SIRT5: variants seen among roughly 807,000 people sequenced by gnomAD.
The protein encoded by SIRT5 is sirtuin 5, also known as NAD-dependent protein deacylase sirtuin-5, mitochondrial.
In SIRT5, 26 loss-of-function variants were observed where a neutral mutation model predicts 40.0. The observed-to-expected ratio is 0.65, with a 90% CI of 0.48 to 0.90. The LOEUF (loss-of-function observed/expected upper bound fraction) is 0.90, where lower values mean the gene tolerates loss of function less well. SIRT5 is among the 40% of genes least tolerant of loss of function. The pLI is 0.00. For synonymous variants in SIRT5, 146 were observed against 149.1 expected, an observed-to-expected ratio of 0.98 and a Z score of 0.15; for missense variants, 401 against 402.4, an observed-to-expected ratio of 1.00 and a Z score of 0.03.
chr6:13,587,866 G>A (rs774991282), intron 3 of SIRT5, among the ~76,000 whole-genome samples: 1 of 152,244 alleles, frequency 6.6e-6, no homozygotes, highest in Non-Finnish European at 1.5e-5. Flanking sequence ...GGTGAACTGG[G>A]GGAGGAAGGG....
chr6:13,587,161 G>A (rs1760186139), intron 3 of SIRT5, among the ~76,000 whole-genome samples: 1 of 147,646 alleles, frequency 6.8e-6, no homozygotes. Flanking sequence ...TATCCAGGGT[G>A]GGGCATTCCC....
In SIRT5 at chr6:13,579,538, G is replaced by C. The variant is rs1759066588; in HGVS notation, c.-107G>C. 6.6e-6 allele frequency: 1 copy of C among 152,148 alleles called. No individual in the cohort carries two copies. The highest frequency in any genetic ancestry group is 1.5e-5 in the Non-Finnish European group (1 of 68,030). 9.4% of individuals were successfully genotyped at this position (152,148 alleles called of 1,614,324 possible). ...AATTAGAAGTCTGTATTATATTGAT[G>C]TCTCCAGATTCAAATATATTAGAAA... On this transcript the variant is annotated 5_prime_UTR_variant, in exon 2 of 10. An upstream start codon of the reference 5' UTR is lost. Transcript: ENST00000606117.
intron 5 of SIRT5, among the ~76,000 whole-genome samples, chr6:13,592,252 C>T (rs939818270): frequency 3.3e-5 from 5 of 152,162 alleles, no homozygotes; most frequent in African/African-American, 9.7e-5. Context: ...TCCCATGAGC[C>T]CAGGTGGCTG....
chr6:13,578,417 G>A (rs1433951746), intron 1 of SIRT5, among the ~76,000 whole-genome samples: 2 of 151,866 alleles, frequency 1.3e-5, no homozygotes, highest in East Asian at 1.9e-4. Flanking sequence ...TCAGGAGATC[G>A]AGACCATCCT....
intron 1 of SIRT5, among the ~76,000 whole-genome samples, chr6:13,576,752 A>G (rs549634719): frequency 9.7e-4 from 147 of 152,180 alleles, no homozygotes; most frequent in Admixed American, 1.9e-3. Flanking sequence ...GTTTTCACCT[A>G]TGTTATCTTC....
intron 4 of SIRT5, among the ~76,000 whole-genome samples, chr6:13,591,204 A>G (rs1431184938): frequency 2.6e-5 from 4 of 152,298 alleles, no homozygotes; most frequent in Admixed American, 2.6e-4. Flanking sequence ...AGCCATAGCT[A>G]TAGTTACAAA....
Position 13,598,968 on chromosome 6 carries a change from G to A in SIRT5, c.618-64G>A, listed in dbSNP as rs1033423639. ...TGTACTAGGTTTGGGGCAGCCCCTGGCCTCCCTCCGATCCAGCTGGGCAGA... is the reference window on the plus strand; with the variant it reads ...TGTACTAGGTTTGGGGCAGCCCCTGACCTCCCTCCGATCCAGCTGGGCAGA... On this transcript the variant is annotated intron_variant, in intron 7 of 9. Transcript: ENST00000606117. The A allele has an allele frequency of 1.9e-6, 3 of 1,587,150 alleles. No homozygotes were observed. The Admixed American group carries it at 5.1e-5, about 27-fold the overall frequency.
chr6:13,586,053 G>A (rs1229460836), intron 3 of SIRT5, among the ~76,000 whole-genome samples: 1 of 152,188 alleles, frequency 6.6e-6, no homozygotes, highest in Non-Finnish European at 1.5e-5. Context: ...TTTGAGAAGT[G>A]TCTGTTCATG....
rs1390792874 is a variant in SIRT5, at chr6:13,615,133, C to G, written c.*3268C>G. ...CAACCCCATTGCCAGCCGCTTTCGC[C>G]GGCAGAGCATTTTCCGTGGGGTCCA... is the stretch of plus-strand genomic sequence containing the variant. On this transcript the variant is annotated 3_prime_UTR_variant, in exon 10 of 10. Transcript: ENST00000606117. 4 of 502,514 alleles carry G rather than the reference C, an allele frequency of 8.0e-6. No homozygotes were observed. The highest frequency in any genetic ancestry group is 7.3e-5 in the South Asian group (2 of 27,560). The allele number at this position is 502,514 out of a possible 1,614,324, so 31.1% of individuals were successfully genotyped here.
At chr6:13,585,705 G>A (rs962530509) in intron 3 of SIRT5, among the ~76,000 whole-genome samples, 4 of 152,116 alleles carry the variant, frequency 2.6e-5, no homozygotes, top group South Asian at 2.1e-4. Context: ...ATAAACATAC[G>A]TATGCATGTG....
rs1759777562 is a variant in SIRT5, at chr6:13,584,363, T to G, written c.115+138T>G. ...AAGCCACTCTGTCATCTTCTCTTTT[T>G]TTTTTTGAGACGGAGTCTTGCTCTG... On this transcript the variant is annotated intron_variant, in intron 3 of 9. Coordinates refer to ENST00000606117, the MANE Select transcript of SIRT5 (RefSeq NM_012241.5). 7.5e-6 allele frequency: 5 copies of G among 668,836 alleles called. No individual in the cohort carries two copies. In the East Asian group the frequency reaches 1.4e-4, roughly 18 times the overall value. The allele number at this position is 668,836 out of a possible 1,614,324, so 41.4% of individuals were successfully genotyped here. A position where few individuals can be genotyped will look rare whatever the true frequency, so the allele number is the denominator to read the frequency against.
chr6:13,578,779 AG>A (rs1422553651), intron 1 of SIRT5, among the ~76,000 whole-genome samples: 1 of 152,062 alleles, frequency 6.6e-6, no homozygotes, highest in African/African-American at 2.4e-5. Context: ...CAGAATTGGT[AG>A]GGTGCCCCCC....
chr6:13,603,923 T>A (rs574551167), intron 9 of SIRT5, among the ~76,000 whole-genome samples: 34 of 152,350 alleles, frequency 2.2e-4, no homozygotes, highest in Admixed American at 2.0e-3. Flanking sequence ...AACGTTATGC[T>A]AAGTGAAAGA....
chr6:13,608,450 G>T (rs1763402474), intron 9 of SIRT5, among the ~76,000 whole-genome samples: 1 of 152,108 alleles, frequency 6.6e-6, no homozygotes, highest in Admixed American at 6.6e-5. Flanking sequence ...GCCAGGCGTG[G>T]TGGTCCACAC....
At chr6:13,594,661 T>A (rs954850597) in intron 5 of SIRT5, among the ~76,000 whole-genome samples, 3 of 152,198 alleles carry the variant, frequency 2.0e-5, no homozygotes, top group South Asian at 4.1e-4. Flanking sequence ...ATTTGGGATG[T>A]GACCCACAGC....
chr6:13,609,499 A>G (rs939413554), intron 9 of SIRT5, among the ~76,000 whole-genome samples: 1 of 152,192 alleles, frequency 6.6e-6, no homozygotes, highest in African/African-American at 2.4e-5. Context: ...CCAGGGTCCC[A>G]CTTCCCCAGA....
intron 5 of SIRT5, among the ~76,000 whole-genome samples, chr6:13,594,406 C>A (rs182110169): frequency 1.3e-5 from 2 of 152,344 alleles, no homozygotes; most frequent in Non-Finnish European, 2.9e-5. Context: ...TTCCTCCCGG[C>A]CCCTGTCCCC....
intron 1 of SIRT5, among the ~76,000 whole-genome samples, chr6:13,576,792 T>G (rs923038225): frequency 6.6e-6 from 1 of 152,240 alleles, no homozygotes; most frequent in African/African-American, 2.4e-5. Flanking sequence ...GGTGTTATGT[T>G]TGAGACTTTA....
chr6:13,576,529 T>C (rs1758661057), intron 1 of SIRT5, among the ~76,000 whole-genome samples: 1 of 152,206 alleles, frequency 6.6e-6, no homozygotes, highest in South Asian at 2.1e-4. Context: ...CTGTTGAGTT[T>C]TTTGAGTTTC....
Sources: allele counts gnomAD v4.1 joint callset (sites outside exome capture counted in the v4.1 genomes callset), GRCh38; gene constraint gnomAD v4.1.1; transcripts MANE v1.5; gene names NCBI Gene and HGNC (gene_info 2026-07-23, HGNC 2026-07-21).